The following KATNBL1 variants were observed in gnomAD, a reference collection of about 807,000 sequenced individuals.
KATNBL1 encodes the protein KATNB1-like protein 1.
A neutral mutation model predicts 44.7 loss-of-function variants in KATNBL1; 28 were observed. The ratio of observed to expected loss-of-function variants is 0.63; its 90% CI spans 0.46 to 0.86. The LOEUF (loss-of-function observed/expected upper bound fraction) is 0.86. Among genes scored for constraint, KATNBL1 ranks in the 40% least tolerant of loss-of-function variants. KATNBL1 has a pLI of 0.00. For synonymous variants in KATNBL1, 78 were observed against 114.9 expected, an observed-to-expected ratio of 0.68 and a Z score of 2.06; for missense variants, 272 against 350.7, an observed-to-expected ratio of 0.78 and a Z score of 1.79.
intron 1 of KATNBL1, among the ~76,000 whole-genome samples, chr15:34,208,091 ATTTTT>A (rs1890341111): frequency 6.6e-6 from 1 of 151,926 alleles, no homozygotes; most frequent in Non-Finnish European, 1.5e-5. Context: ...TTTTTATTTT[ATTTTT>A]ATTATTTTTT....
intron 2 of KATNBL1, among the ~76,000 whole-genome samples, chr15:34,162,010 G>A (rs2140927740): frequency 6.6e-6 from 1 of 152,298 alleles, no homozygotes; most frequent in South Asian, 2.1e-4. Context: ...TAATAGTTAT[G>A]TAAATTTTGT....
At chr15:34,161,321 G>A (rs1220789597) in intron 2 of KATNBL1, among the ~76,000 whole-genome samples, 1 of 152,136 alleles carries the variant, frequency 6.6e-6, no homozygotes, top group African/African-American at 2.4e-5. Flanking sequence ...TCATCACACT[G>A]GGTGGGCCTC....
intron 1 of KATNBL1, among the ~76,000 whole-genome samples, chr15:34,169,785 G>A (rs1889102396): frequency 6.6e-6 from 1 of 152,086 alleles, no homozygotes; most frequent in African/African-American, 2.4e-5. Flanking sequence ...TGGTTCAACA[G>A]ATGCAAATCA....
chr15:34,185,954 G>A (rs940936595), intron 1 of KATNBL1, among the ~76,000 whole-genome samples: 14 of 152,168 alleles, frequency 9.2e-5, no homozygotes, highest in African/African-American at 3.1e-4. Context: ...CTGCTGGTTG[G>A]TTTCCTGAGA....
intron 1 of KATNBL1, among the ~76,000 whole-genome samples, chr15:34,169,246 G>C (rs1889082093): frequency 6.6e-6 from 1 of 152,104 alleles, no homozygotes. Context: ...AATAAAAATT[G>C]ATAAAGGGGA....
At chr15:34,197,195 T>C (rs566103402) in intron 1 of KATNBL1, among the ~76,000 whole-genome samples, 5 of 152,380 alleles carry the variant, frequency 3.3e-5, no homozygotes, top group African/African-American at 7.2e-5. Context: ...AACAATGTCA[T>C]GTTTTAGTTT....
intron 7 of KATNBL1, 55 bp from the exon 8 acceptor site, chr15:34,146,905 AT>A (rs1888326815): frequency 9.3e-7 from 1 of 1,075,920 alleles, no homozygotes; most frequent in Admixed American, 1.8e-5. Context: ...AACCCTTCTT[AT>A]AAAAGATGAT....
At chr15:34,155,522 A>C (rs1235352221) in intron 2 of KATNBL1, among the ~76,000 whole-genome samples, 1 of 148,230 alleles carries the variant, frequency 6.7e-6, no homozygotes, top group Non-Finnish European at 1.5e-5. Flanking sequence ...CACCCTGTGA[A>C]GGGGTCATTT....
Position 34,208,591 on chromosome 15 carries a change from C to A in KATNBL1, c.-15+1360G>T, listed in dbSNP as rs564750007. 11 of 152,222 alleles carry A rather than the reference C, an allele frequency of 7.2e-5. No individual in the cohort carries two copies. In the East Asian group the frequency reaches 2.1e-3, roughly 29 times the overall value. 9.4% of individuals were successfully genotyped at this position (152,222 alleles called of 1,614,324 possible). A position where few individuals can be genotyped will look rare whatever the true frequency, so the allele number is the denominator to read the frequency against. ...CATAAGTTGCTAAGACTAACACTTT[C>A]AAAACTTTCAGGAAAGGATATAAAG... On this transcript the variant is annotated intron_variant, in intron 1 of 9. Transcript: ENST00000256544.
At chr15:34,182,286 T>C (rs965153961) in intron 1 of KATNBL1, among the ~76,000 whole-genome samples, 7 of 152,138 alleles carry the variant, frequency 4.6e-5, no homozygotes, top group African/African-American at 1.4e-4. Context: ...TTTTCTCAAA[T>C]GCAAAATGAG....
At chr15:34,185,803 T>C (rs1193407048) in intron 1 of KATNBL1, among the ~76,000 whole-genome samples, 1 of 151,862 alleles carries the variant, frequency 6.6e-6, no homozygotes, top group Non-Finnish European at 1.5e-5. Flanking sequence ...AAACAGGAAT[T>C]AGGGAGGGGT....
At chr15:34,193,221 AAAAAAAAAAAAAAAC>A (rs1889931300) in intron 1 of KATNBL1, among the ~76,000 whole-genome samples, 1 of 135,026 alleles carries the variant, frequency 7.4e-6, no homozygotes, top group South Asian at 2.4e-4. Context: ...CGTCTCAAAA[AAAAAAAAAAAAAAAC>A]AAAAAAAAAA....
At chr15:34,192,751 A>G (rs1330538235) in intron 1 of KATNBL1, among the ~76,000 whole-genome samples, 1 of 152,186 alleles carries the variant, frequency 6.6e-6, no homozygotes. Context: ...AAGAAGAAAA[A>G]ATCAGGAATA....
chr15:34,176,816 A>C (rs1277778001), intron 1 of KATNBL1, among the ~76,000 whole-genome samples: 2 of 152,238 alleles, frequency 1.3e-5, no homozygotes, highest in African/African-American at 4.8e-5. Flanking sequence ...ATACACTACA[A>C]ATTCCATTTT....
chr15:34,193,257 G>T (rs1408092134), intron 1 of KATNBL1, among the ~76,000 whole-genome samples: 1 of 139,314 alleles, frequency 7.2e-6, no homozygotes. Flanking sequence ...CTTAAGGCCA[G>T]ATGCAGTGGA....
intron 2 of KATNBL1, among the ~76,000 whole-genome samples, chr15:34,158,589 G>A (rs1439273002): frequency 6.6e-6 from 1 of 152,012 alleles, no homozygotes; most frequent in Non-Finnish European, 1.5e-5. Context: ...TTGTGGACCA[G>A]GTCTTGGCCT....
chr15:34,157,702 C>A (rs924913029), intron 2 of KATNBL1, among the ~76,000 whole-genome samples: 13 of 152,128 alleles, frequency 8.5e-5, no homozygotes, highest in African/African-American at 2.4e-4. Flanking sequence ...GGCATCTAGT[C>A]CATGGCAACC....
intron 1 of KATNBL1, among the ~76,000 whole-genome samples, chr15:34,171,492 T>G (rs1399339865): frequency 6.6e-6 from 1 of 152,192 alleles, no homozygotes; most frequent in Non-Finnish European, 1.5e-5. Flanking sequence ...TTGGTGGGAA[T>G]GTAAATTGGT....
At chr15:34,143,666 T>C (rs376147747) in intron 9 of KATNBL1, among the ~76,000 whole-genome samples, 166 of 151,552 alleles carry the variant, frequency 1.1e-3, no homozygotes, top group African/African-American at 3.9e-3. Flanking sequence ...AAGAATTCTA[T>C]AGGCCAGGCG....
Sources: allele counts gnomAD v4.1 joint callset (sites outside exome capture counted in the v4.1 genomes callset), GRCh38; gene constraint gnomAD v4.1.1; transcripts MANE v1.5; gene names NCBI Gene and HGNC (gene_info 2026-07-23, HGNC 2026-07-21).